The following CYP4X1 variants were observed in gnomAD, a reference collection of about 807,000 sequenced individuals.
The protein encoded by CYP4X1 is cytochrome P450 family 4 subfamily X member 1.
A neutral mutation model predicts 57.9 loss-of-function variants in CYP4X1; 44 were observed. The ratio of observed to expected loss-of-function variants is 0.76; its 90% CI spans 0.60 to 0.98. The LOEUF (loss-of-function observed/expected upper bound fraction) is 0.98, where lower values mean the gene tolerates loss of function less well. Among genes scored for constraint, CYP4X1 ranks in the 50% least tolerant of loss-of-function variants. The pLI is 0.00. For missense variants in CYP4X1, 532 were observed against 623.9 expected (o/e 0.85, Z 1.57); for synonymous variants, 227 against 228.6 (o/e 0.99, Z 0.06).
At chr1:46,983,230 C>T in the CYP4X1 span, among the ~76,000 whole-genome samples, 1 of 152,166 alleles carries the variant, frequency 6.6e-6, no homozygotes, top group Non-Finnish European at 1.5e-5. Context: ...CCTCTGGCAA[C>T]TCCACCACAG....
the CYP4X1 span, among the ~76,000 whole-genome samples, chr1:46,981,830 T>C: frequency 1.3e-5 from 2 of 152,210 alleles, no homozygotes; most frequent in African/African-American, 2.4e-5. Context: ...ATGTCCTTTG[T>C]ATGGACATAG....
At chr1:46,994,711 T>C in the CYP4X1 span, among the ~76,000 whole-genome samples, 594 of 152,334 alleles carry the variant, frequency 3.9e-3, 4 homozygotes, top group African/African-American at 0.014. Flanking sequence ...CTTCGTGAGC[T>C]GTCCATAGTA....
the CYP4X1 span, among the ~76,000 whole-genome samples, chr1:47,013,205 G>A: frequency 6.6e-6 from 1 of 152,122 alleles, no homozygotes; most frequent in South Asian, 2.1e-4. Flanking sequence ...GCTGCTGGTT[G>A]CCATAAATTT....
At chr1:47,039,574 T>G in intron 8 of CYP4X1, 42 bp downstream of exon 8, 1 of 1,526,302 alleles carries the variant, frequency 6.6e-7, no homozygotes, top group Middle Eastern at 2.2e-4. Context: ...GTTTTCCCCC[T>G]GAGATTTTGC....
At chr1:46,984,401 A>C in the CYP4X1 span, among the ~76,000 whole-genome samples, 3 of 123,766 alleles carry the variant, frequency 2.4e-5, no homozygotes, top group South Asian at 2.6e-4. Flanking sequence ...AAAAAAAAAA[A>C]CCAGGAGAGG....
At chr1:47,054,390 T>C (rs1454357892), downstream of CYP4X1, among the ~76,000 whole-genome samples, 3 of 152,148 alleles carry the variant, frequency 2.0e-5, no homozygotes, top group Non-Finnish European at 2.9e-5. Context: ...TAGGATTGAC[T>C]TGGCAATGAG....
chr1:47,051,609 T>A (rs117327535), downstream of CYP4X1, among the ~76,000 whole-genome samples: 1 of 152,276 alleles, frequency 6.6e-6, no homozygotes, highest in East Asian at 1.9e-4. Context: ...ACTTATAACA[T>A]GATGATTCTC....
intron 7 of CYP4X1, among the ~76,000 whole-genome samples, 171 bp from the exon 8 acceptor site, chr1:47,039,171 C>T (rs895690041): frequency 2.6e-5 from 4 of 152,084 alleles, no homozygotes; most frequent in African/African-American, 7.2e-5. Context: ...CCTTGGTTCT[C>T]CTTTATGCTT....
chr1:46,964,520 G>T, the CYP4X1 span, among the ~76,000 whole-genome samples: 3 of 152,208 alleles, frequency 2.0e-5, no homozygotes, highest in Admixed American at 1.3e-4. Context: ...GACCCTGTTT[G>T]CCTGGGTATC....
At chr1:46,980,215 T>C in the CYP4X1 span, among the ~76,000 whole-genome samples, 1 of 152,256 alleles carries the variant, frequency 6.6e-6, no homozygotes, top group Non-Finnish European at 1.5e-5. Context: ...CATGATTTTA[T>C]ATTTAGAAAA....
chr1:47,028,568 A>T (rs1462207821), intron 1 of CYP4X1, among the ~76,000 whole-genome samples: 1 of 152,216 alleles, frequency 6.6e-6, no homozygotes, highest in Non-Finnish European at 1.5e-5. Flanking sequence ...GTGTATTTAG[A>T]TGCTTCTCTG....
chr1:47,035,037 G>A (rs1644164674), intron 4 of CYP4X1, among the ~76,000 whole-genome samples: 1 of 150,982 alleles, frequency 6.6e-6, no homozygotes, highest in African/African-American at 2.4e-5. Context: ...TGCCTTTGTG[G>A]TTGCCAAGTC....
rs1644211613 is a variant in CYP4X1 at position 47,038,661 on chromosome 1, TA to T, written c.778del (p.Thr260GlnfsTer2). On this transcript the variant is annotated frameshift_variant and splice_region_variant, in exon 7 of 12. Coordinates refer to ENST00000371901, the MANE Select transcript of CYP4X1 (RefSeq NM_178033.2). LOFTEE classifies it high-confidence loss of function. The stretch of plus-strand genomic sequence containing the variant: ...ATTGGAAACTATTTTTCTACCCAGA[TA>T]CAATAATCCAGGAAAGAAAGAAATC... ...LSRVLNQYTD[T>X]IIQERKKSLQ... 3 of 1,601,552 alleles carry T rather than the reference TA, an allele frequency of 1.9e-6. No homozygotes were observed. The African/African-American group carries it at 4.0e-5, about 22-fold the overall frequency.
the CYP4X1 span, among the ~76,000 whole-genome samples, chr1:46,995,836 C>T: frequency 1.3e-5 from 2 of 152,234 alleles, no homozygotes; most frequent in African/African-American, 4.8e-5. Flanking sequence ...AACGTACACC[C>T]CATTTCAGCT....
Position 47,025,900 on chromosome 1 carries a change from A to G in CYP4X1, c.177+1906A>G, listed in dbSNP as rs150238868. ...CCATTGATGCTATCCTGTGTTATGT[A>G]TCTCTACTGTCTCATGAATACTATG... On this transcript the variant is annotated intron_variant, in intron 1 of 11. Transcript: ENST00000371901. Among the ~76,000 whole-genome samples the G allele has an allele frequency of 3.9e-3, 589 of 152,274 alleles. 3 individuals carry two copies. Among genetic ancestry groups the G allele is most frequent in the African/African-American group, 0.013 (555 of 41,554 alleles).
chr1:47,009,888 A>G, the CYP4X1 span, among the ~76,000 whole-genome samples: 252 of 152,332 alleles, frequency 1.7e-3, 1 homozygote, highest in African/African-American at 5.8e-3. Flanking sequence ...GAATAGACCA[A>G]TAACAGGCTC....
chr1:47,016,295 CAA>C, the CYP4X1 span, among the ~76,000 whole-genome samples: 2 of 150,662 alleles, frequency 1.3e-5, no homozygotes, highest in East Asian at 3.9e-4. Flanking sequence ...GCTGAACATG[CAA>C]AGAGATACAG....
intron 1 of CYP4X1, among the ~76,000 whole-genome samples, chr1:47,026,936 C>T (rs1284833933): frequency 2.6e-5 from 4 of 151,982 alleles, no homozygotes; most frequent in Admixed American, 6.6e-5. Flanking sequence ...AGGCTAGTCT[C>T]GAACTCCTGA....
chr1:47,039,657 C>A (rs1644223797), intron 8 of CYP4X1, 125 bp downstream of exon 8: 3 of 586,262 alleles, frequency 5.1e-6, no homozygotes, highest in African/African-American at 1.9e-5. Context: ...AAGAAGTAGG[C>A]TACTTTTCTG....
Sources: gnomAD v4.1 joint callset for allele counts (sites outside exome capture counted in the v4.1 genomes callset) on GRCh38, gnomAD v4.1.1 for gene constraint, MANE v1.5 for transcripts, NCBI Gene and HGNC (gene_info 2026-07-23, HGNC 2026-07-21) for gene names.